CUX2: variants seen among roughly 807,000 people sequenced by gnomAD.
The protein encoded by CUX2 is homeobox protein cut-like 2.
Under a neutral mutation model 144.8 loss-of-function variants are expected in CUX2, and 40 were observed. The ratio of observed to expected loss-of-function variants is 0.28; its 90% confidence interval spans 0.21 to 0.36. The LOEUF is 0.36. CUX2 is among the 10% of genes least tolerant of loss of function. CUX2 has a pLI of 1.00. For missense variants in CUX2, 1,615 were observed against 1,994.0 expected, an observed-to-expected ratio of 0.81 and a Z score of 3.62; for synonymous variants, 827 against 875.6, an observed-to-expected ratio of 0.94 and a Z score of 0.98.
chr12:111,143,054 GC>G (rs1167160311), intron 1 of CUX2, among the ~76,000 whole-genome samples: 1 of 152,106 alleles, frequency 6.6e-6, no homozygotes, highest in Non-Finnish European at 1.5e-5. Flanking sequence ...CTCTACAAAT[GC>G]CCACTGTCTT....
At chr12:111,300,047 G>A (rs990162822) in intron 9 of CUX2, among the ~76,000 whole-genome samples, 5 of 152,142 alleles carry the variant, frequency 3.3e-5, no homozygotes, top group Admixed American at 6.5e-5. Flanking sequence ...CCACCACGCC[G>A]TGCTAATTTT....
At chr12:111,040,565 C>T (rs191460638) in intron 1 of CUX2, among the ~76,000 whole-genome samples, 2 of 152,078 alleles carry the variant, frequency 1.3e-5, no homozygotes, top group Non-Finnish European at 1.5e-5. Context: ...GCCCAAATGT[C>T]GTGACCACTC....
At chr12:111,288,453 A>T (rs1343758877) in intron 4 of CUX2, among the ~76,000 whole-genome samples, 1 of 152,012 alleles carries the variant, frequency 6.6e-6, no homozygotes, top group Non-Finnish European at 1.5e-5. Context: ...GACTCCAGGG[A>T]TACCTAACCT....
At chr12:111,088,797 G>A (rs921045664) in intron 1 of CUX2, among the ~76,000 whole-genome samples, 16 of 152,196 alleles carry the variant, frequency 1.1e-4, no homozygotes, top group African/African-American at 3.6e-4. Flanking sequence ...ACAATGAGCT[G>A]AGCTATGAAG....
intron 3 of CUX2, among the ~76,000 whole-genome samples, chr12:111,259,793 CAAAAA>C (rs770448329): frequency 2.7e-5 from 2 of 74,270 alleles, no homozygotes. Flanking sequence ...GACTCTGTCT[CAAAAA>C]AAAAAAAAAA....
intron 3 of CUX2, among the ~76,000 whole-genome samples, chr12:111,228,251 G>C (rs976288421): frequency 6.6e-6 from 1 of 152,088 alleles, no homozygotes; most frequent in Non-Finnish European, 1.5e-5. Context: ...GAACCAGACT[G>C]CCTGGGTTCA....
intron 1 of CUX2, among the ~76,000 whole-genome samples, chr12:111,164,926 G>GA (rs1370254068): frequency 2.0e-5 from 3 of 152,178 alleles, no homozygotes; most frequent in Non-Finnish European, 4.4e-5. Context: ...TGACTCGTGT[G>GA]AAAATTAAAG....
intron 1 of CUX2, among the ~76,000 whole-genome samples, chr12:111,043,720 C>T (rs551425295): frequency 6.6e-6 from 1 of 152,286 alleles, no homozygotes; most frequent in Non-Finnish European, 1.5e-5. Context: ...GGTACCATTG[C>T]TATACCCATC....
chr12:111,133,212 C>T (rs1465025817), intron 1 of CUX2, among the ~76,000 whole-genome samples: 2 of 152,206 alleles, frequency 1.3e-5, no homozygotes, highest in Non-Finnish European at 2.9e-5. Flanking sequence ...ACTGTTCCAA[C>T]CTCTGCCTGT....
At chr12:111,091,078 G>A (rs937553224) in intron 1 of CUX2, among the ~76,000 whole-genome samples, 5 of 152,164 alleles carry the variant, frequency 3.3e-5, no homozygotes, top group African/African-American at 9.7e-5. Context: ...GGGACCTTGA[G>A]CCAGGAATTC....
At chr12:111,162,243 G>A (rs1450814729) in intron 1 of CUX2, among the ~76,000 whole-genome samples, 4 of 152,198 alleles carry the variant, frequency 2.6e-5, no homozygotes, top group Non-Finnish European at 4.4e-5. Context: ...TTCCTCCACT[G>A]GAAGTGAAAG....
chr12:111,348,491 G>A lies in CUX2; in HGVS notation c.*166G>A. ...GTTGTAATCCTAGTTCTATGAAGCT[G>A]TGTGAGCAGGTGGGTCAAATGCCAT... On this transcript the variant is annotated 3_prime_UTR_variant, in exon 22 of 22. Coordinates refer to ENST00000261726, the MANE Select transcript of CUX2 (RefSeq NM_015267.4). 4 of 690,576 alleles carry A rather than the reference G, an allele frequency of 5.8e-6. No homozygotes were observed. In the South Asian group the frequency reaches 5.9e-5, roughly 10 times the overall value. The allele number at this position is 690,576 out of a possible 1,614,324, so 42.8% of individuals were successfully genotyped here.
At chr12:111,315,827 C>T (rs1887158105) in intron 16 of CUX2, among the ~76,000 whole-genome samples, 1 of 152,000 alleles carries the variant, frequency 6.6e-6, no homozygotes, top group African/African-American at 2.4e-5. Flanking sequence ...TGAGACTAGC[C>T]TGGGCAACAT....
chr12:111,115,817 C>T (rs573299514), intron 1 of CUX2, among the ~76,000 whole-genome samples: 1 of 152,240 alleles, frequency 6.6e-6, no homozygotes, highest in East Asian at 1.9e-4. Context: ...GCATTTGTCT[C>T]CCCCACTAGA....
Position 111,181,306 on chromosome 12 carries a change from C to CT in CUX2, c.64-32893dup, listed in dbSNP as rs1205981205. On this transcript the variant is annotated intron_variant, in intron 1 of 21. Coordinates refer to ENST00000261726, the MANE Select transcript of CUX2 (RefSeq NM_015267.4). ...AGGAGGCCCCTCTCGGCTGTGGAGTCTATTAGGCAAGCCAGCAGCTGGCGG... is the reference window on the plus strand; with the variant it reads ...AGGAGGCCCCTCTCGGCTGTGGAGTCTTATTAGGCAAGCCAGCAGCTGGCGG... Among the ~76,000 whole-genome samples the CT allele has an allele frequency of 2.0e-5, 3 of 152,324 alleles. No homozygotes were observed. In the East Asian group the frequency reaches 5.8e-4, roughly 29 times the overall value.
At chr12:111,115,195 T>C (rs1057235052) in intron 1 of CUX2, among the ~76,000 whole-genome samples, 3 of 151,932 alleles carry the variant, frequency 2.0e-5, no homozygotes, top group Admixed American at 1.3e-4. Flanking sequence ...TTTCAATTTC[T>C]ACAAGAAACA....
chr12:111,063,384 T>C (rs1870874333), intron 1 of CUX2, among the ~76,000 whole-genome samples: 1 of 148,258 alleles, frequency 6.7e-6, no homozygotes, highest in African/African-American at 2.5e-5. Context: ...GCGTGCAGCC[T>C]GAGGGAATGA....
At chr12:111,074,963 C>A (rs1352986460) in intron 1 of CUX2, among the ~76,000 whole-genome samples, 1 of 152,194 alleles carries the variant, frequency 6.6e-6, no homozygotes, top group Non-Finnish European at 1.5e-5. Flanking sequence ...CCTTGCTCTG[C>A]CCCTGCCTGT....
intron 3 of CUX2, among the ~76,000 whole-genome samples, chr12:111,227,725 C>T (rs905436366): frequency 6.6e-6 from 1 of 152,112 alleles, no homozygotes; most frequent in African/African-American, 2.4e-5. Context: ...AGAGGGCACA[C>T]CCCCACCCCA....
Sources: allele counts gnomAD v4.1 joint callset (sites outside exome capture counted in the v4.1 genomes callset), GRCh38; gene constraint gnomAD v4.1.1; transcripts MANE v1.5; gene names NCBI Gene and HGNC (gene_info 2026-07-23, HGNC 2026-07-21).